Variants in IFTAP observed in about 807,000 individuals in gnomAD.
The protein encoded by IFTAP is intraflagellar transport-associated protein.
In IFTAP, 19 loss-of-function variants were observed where a neutral mutation model predicts 19.4. The observed-to-expected ratio is 0.98, with a 90% CI of 0.68 to 1.44. IFTAP has a LOEUF of 1.44. Among genes scored for constraint, IFTAP ranks in the 40% most tolerant of loss-of-function variants. The pLI, the probability that IFTAP is intolerant of heterozygous loss-of-function variation, is 0.00. For synonymous variants in IFTAP, 85 were observed against 83.5 expected, an observed-to-expected ratio of 1.02 and a Z score of -0.10; for missense variants, 240 against 253.6, an observed-to-expected ratio of 0.95 and a Z score of 0.36.
At chr11:36,624,903 A>G (rs145611512) in intron 2 of IFTAP, among the ~76,000 whole-genome samples, 1 of 152,194 alleles carries the variant, frequency 6.6e-6, no homozygotes, top group African/African-American at 2.4e-5. Flanking sequence ...ATAAACTTCC[A>G]CTTTGTTTAA....
intron 1 of IFTAP, among the ~76,000 whole-genome samples, chr11:36,606,914 C>T (rs2133368538): frequency 6.6e-6 from 1 of 152,348 alleles, no homozygotes; most frequent in Non-Finnish European, 1.5e-5. Context: ...TGTCTAGCTA[C>T]TGCAAACACA....
chr11:36,656,127 C>G (rs570559656), intron 5 of IFTAP, among the ~76,000 whole-genome samples: 5 of 152,234 alleles, frequency 3.3e-5, no homozygotes, highest in African/African-American at 1.2e-4. Flanking sequence ...TATCTATAAC[C>G]AACTTGGCCG....
intron 2 of IFTAP, among the ~76,000 whole-genome samples, chr11:36,619,865 C>T (rs962329444): frequency 3.3e-5 from 5 of 151,790 alleles, no homozygotes; most frequent in Admixed American, 2.6e-4. Flanking sequence ...AAAGGCAACT[C>T]GGGAAGCGCT....
intron 2 of IFTAP, among the ~76,000 whole-genome samples, chr11:36,626,862 C>T (rs1158179509): frequency 6.6e-6 from 1 of 150,900 alleles, no homozygotes; most frequent in African/African-American, 2.5e-5. Flanking sequence ...TGTGGGGCAG[C>T]ATGGAATTGG....
intron 2 of IFTAP, among the ~76,000 whole-genome samples, chr11:36,628,115 A>C (rs941327695): frequency 6.6e-5 from 10 of 150,700 alleles, no homozygotes; most frequent in African/African-American, 2.5e-4. Context: ...CTAGTACCTG[A>C]ACCACTTTGA....
chr11:36,629,520 GTGA>G (rs1467875490), intron 2 of IFTAP, among the ~76,000 whole-genome samples: 3 of 151,458 alleles, frequency 2.0e-5, no homozygotes, highest in Non-Finnish European at 4.4e-5. Flanking sequence ...TCCTGCAAGT[GTGA>G]TAATGCTTCT....
intron 1 of IFTAP, among the ~76,000 whole-genome samples, chr11:36,601,549 T>G (rs949038943): frequency 2.0e-5 from 3 of 152,202 alleles, no homozygotes; most frequent in Non-Finnish European, 4.4e-5. Flanking sequence ...TCAGAGGAGT[T>G]TTGCTAGAAA....
chr11:36,619,432 A>G (rs12278830), intron 2 of IFTAP, among the ~76,000 whole-genome samples: 6,199 of 152,084 alleles, frequency 0.041, 409 homozygotes, highest in African/African-American at 0.14. Context: ...AATGAATTTA[A>G]AATCTGCTGT....
intron 1 of IFTAP, among the ~76,000 whole-genome samples, chr11:36,607,797 C>T (rs964187246): frequency 2.0e-5 from 3 of 152,124 alleles, no homozygotes; most frequent in Non-Finnish European, 4.4e-5. Context: ...TCTCAGCCTC[C>T]TGACTAGCTG....
At chr11:36,596,201 A>T (rs1241099877) in intron 1 of IFTAP, among the ~76,000 whole-genome samples, 1 of 146,412 alleles carries the variant, frequency 6.8e-6, no homozygotes. Context: ...CACTCTAATG[A>T]GATGGTAGTG....
chr11:36,652,146 A>C (rs1471328119), intron 5 of IFTAP, among the ~76,000 whole-genome samples: 1 of 152,186 alleles, frequency 6.6e-6, no homozygotes, highest in Non-Finnish European at 1.5e-5. Flanking sequence ...CTTGAGCAGT[A>C]TGACCATTTT....
intron 2 of IFTAP, among the ~76,000 whole-genome samples, chr11:36,621,119 A>G (rs1181622459): frequency 6.6e-6 from 1 of 151,938 alleles, no homozygotes; most frequent in African/African-American, 2.4e-5. Flanking sequence ...TTGAGACATT[A>G]TTTTTATTCG....
At chr11:36,601,623 G>A (rs1288424583) in intron 1 of IFTAP, among the ~76,000 whole-genome samples, 3 of 152,104 alleles carry the variant, frequency 2.0e-5, no homozygotes, top group Non-Finnish European at 4.4e-5. Context: ...GGAGTTAGGA[G>A]TTTGTGATTC....
chr11:36,628,003 C>T lies in IFTAP; in HGVS notation c.137-5281C>T, dbSNP rs926194595. On this transcript the variant is annotated intron_variant, in intron 2 of 5. Transcript: ENST00000334307. ...TTAAAAACAAAAGAGAACTCACTTG[C>T]GAACTCTTTTTTTTTTTTTCTAAAT... 4.1e-4 allele frequency among the ~76,000 whole-genome samples: 60 copies of T among 146,454 alleles called. 6 individuals carry two copies. Among genetic ancestry groups the T allele is most frequent in the African/African-American group, 1.6e-3 (58 of 36,758 alleles).
intron 2 of IFTAP, among the ~76,000 whole-genome samples, chr11:36,632,009 A>G (rs1056046089): frequency 2.6e-5 from 4 of 151,118 alleles, no homozygotes; most frequent in Non-Finnish European, 4.4e-5. Flanking sequence ...TACTGCATTA[A>G]TGCAGGAAGC....
chr11:36,636,167 A>G (rs1254711902), intron 4 of IFTAP, 50 bp downstream of exon 4: 7 of 1,393,856 alleles, frequency 5.0e-6, no homozygotes, highest in Non-Finnish European at 7.1e-6. Flanking sequence ...TCTAGAAACT[A>G]CAAATAAGGC....
chr11:36,642,024 T>C (rs1293563053), intron 4 of IFTAP, among the ~76,000 whole-genome samples: 2 of 152,276 alleles, frequency 1.3e-5, no homozygotes, highest in East Asian at 1.9e-4. Context: ...TTTACCATTA[T>C]GTAATGGCCT....
intron 2 of IFTAP, among the ~76,000 whole-genome samples, chr11:36,617,043 A>G (rs1852117477): frequency 6.6e-6 from 1 of 151,612 alleles, no homozygotes; most frequent in African/African-American, 2.4e-5. Flanking sequence ...AGCATAAAAC[A>G]TACACTGGAT....
intron 4 of IFTAP, among the ~76,000 whole-genome samples, chr11:36,638,501 A>G (rs998301811): frequency 6.6e-6 from 1 of 152,188 alleles, no homozygotes; most frequent in Non-Finnish European, 1.5e-5. Flanking sequence ...TAATTACTGA[A>G]AAGGCCACCA....
Sources: allele counts gnomAD v4.1 joint callset (sites outside exome capture counted in the v4.1 genomes callset), GRCh38; gene constraint gnomAD v4.1.1; transcripts MANE v1.5; gene names NCBI Gene and HGNC (gene_info 2026-07-23, HGNC 2026-07-21).